Variants in GABRB1 observed in about 807,000 individuals in gnomAD.
GABRB1 encodes gamma-aminobutyric acid receptor subunit beta-1.
A neutral mutation model predicts 51.6 loss-of-function variants in GABRB1; 17 were observed. That is an observed-to-expected ratio of 0.33 (90% CI 0.23 to 0.49). The LOEUF is 0.49. Ranked by LOEUF, GABRB1 falls within the 20% of genes least tolerant of loss-of-function variation. The pLI is 0.99. For synonymous variants in GABRB1, 247 were observed against 218.9 expected (o/e 1.13, Z -1.14); for missense variants, 410 against 600.6 (o/e 0.68, Z 3.32).
intron 4 of GABRB1, among the ~76,000 whole-genome samples, chr4:47,247,918 C>G (rs1469926868): frequency 1.3e-5 from 2 of 152,082 alleles, no homozygotes; most frequent in African/African-American, 4.8e-5. Flanking sequence ...CTGGAGGAGT[C>G]TTTAGGGTTT....
intron 3 of GABRB1, among the ~76,000 whole-genome samples, chr4:47,051,797 A>G (rs1365982047): frequency 1.3e-5 from 2 of 152,180 alleles, no homozygotes; most frequent in Non-Finnish European, 2.9e-5. Context: ...AATTTATTTC[A>G]GTCTCAAAGA....
intron 4 of GABRB1, among the ~76,000 whole-genome samples, chr4:47,228,303 T>G (rs567110657): frequency 6.6e-6 from 1 of 152,076 alleles, no homozygotes; most frequent in African/African-American, 2.4e-5. Context: ...ATTATGACAT[T>G]CTAAAATAAC....
intron 4 of GABRB1, among the ~76,000 whole-genome samples, chr4:47,297,613 T>A (rs1350296094): frequency 6.6e-6 from 1 of 152,146 alleles, no homozygotes; most frequent in Non-Finnish European, 1.5e-5. Context: ...GTGGTAATAA[T>A]CAATAGCTTA....
intron 4 of GABRB1, among the ~76,000 whole-genome samples, chr4:47,317,673 AT>A (rs1343508944): frequency 1.3e-5 from 2 of 151,982 alleles, no homozygotes; most frequent in Non-Finnish European, 2.9e-5. Context: ...TTCAAAAGGT[AT>A]GTGAAAATGT....
At chr4:47,270,699 T>C (rs1026945856) in intron 4 of GABRB1, among the ~76,000 whole-genome samples, 1 of 152,220 alleles carries the variant, frequency 6.6e-6, no homozygotes, top group Admixed American at 6.5e-5. Flanking sequence ...AGTGGGAGCT[T>C]GGAACATTCG....
intron 8 of GABRB1, among the ~76,000 whole-genome samples, chr4:47,421,311 G>T (rs971486317): frequency 7.2e-5 from 11 of 152,054 alleles, no homozygotes; most frequent in African/African-American, 2.7e-4. Flanking sequence ...AATGTACCTT[G>T]TTAACCCTGA....
chr4:47,080,273 T>C (rs1266011856), intron 3 of GABRB1, among the ~76,000 whole-genome samples: 1 of 149,896 alleles, frequency 6.7e-6, no homozygotes, highest in African/African-American at 2.5e-5. Flanking sequence ...CTCCATCCTT[T>C]CTGTGGCAGA....
intron 4 of GABRB1, among the ~76,000 whole-genome samples, chr4:47,178,167 T>C (rs1276494458): frequency 6.6e-6 from 1 of 152,074 alleles, no homozygotes; most frequent in Admixed American, 6.6e-5. Context: ...GGCATACTCA[T>C]TGAGATCATT....
At chr4:47,001,070 G>A (rs574822166) in intron 1 of GABRB1, among the ~76,000 whole-genome samples, 1 of 152,296 alleles carries the variant, frequency 6.6e-6, no homozygotes, top group Admixed American at 6.5e-5. Flanking sequence ...GGTTAACTTT[G>A]TGTTAATTTG....
At chr4:47,376,158 T>G (rs1560358152) in intron 5 of GABRB1, among the ~76,000 whole-genome samples, 1 of 152,196 alleles carries the variant, frequency 6.6e-6, no homozygotes, top group South Asian at 2.1e-4. Context: ...ATTGGAGTTT[T>G]GGGTTTGATT....
At chr4:47,263,861 G>A (rs1047623973) in intron 4 of GABRB1, among the ~76,000 whole-genome samples, 1 of 151,960 alleles carries the variant, frequency 6.6e-6, no homozygotes, top group African/African-American at 2.4e-5. Flanking sequence ...GAAACAAAAT[G>A]TTCTATTAAA....
At chr4:47,406,010 C>G (rs779351913) in intron 7 of GABRB1, among the ~76,000 whole-genome samples, 6 of 152,154 alleles carry the variant, frequency 3.9e-5, no homozygotes, top group Non-Finnish European at 5.9e-5. Flanking sequence ...CTAATTCATT[C>G]TAGGTTCTGG....
At chr4:47,178,514 A>C (rs1718798779) in intron 4 of GABRB1, among the ~76,000 whole-genome samples, 1 of 152,126 alleles carries the variant, frequency 6.6e-6, no homozygotes, top group Non-Finnish European at 1.5e-5. Flanking sequence ...CTAAAGAAGA[A>C]TAAAGCCATT....
chr4:47,092,651 T>C (rs996334038), intron 3 of GABRB1, among the ~76,000 whole-genome samples: 7 of 151,676 alleles, frequency 4.6e-5, no homozygotes, highest in Non-Finnish European at 8.8e-5. Context: ...GTCGCCCAGG[T>C]TGGAGTGCAG....
At chr4:47,140,379 G>T (rs1254685340) in intron 3 of GABRB1, among the ~76,000 whole-genome samples, 1 of 151,822 alleles carries the variant, frequency 6.6e-6, no homozygotes, top group African/African-American at 2.4e-5. Flanking sequence ...ACTTTGCATG[G>T]TACAGATATG....
intron 4 of GABRB1, among the ~76,000 whole-genome samples, chr4:47,273,565 A>T (rs894971225): frequency 2.0e-5 from 3 of 152,160 alleles, no homozygotes; most frequent in East Asian, 3.9e-4. Context: ...CTAGTGCCAG[A>T]CTACCTGAGT....
chr4:47,062,577 G>T (rs1429083059), intron 3 of GABRB1, among the ~76,000 whole-genome samples: 2 of 151,676 alleles, frequency 1.3e-5, no homozygotes, highest in African/African-American at 2.4e-5. Flanking sequence ...ATAATATTTT[G>T]CTCTTCTTCT....
intron 8 of GABRB1, among the ~76,000 whole-genome samples, chr4:47,409,524 TTCTGCTCC>T (rs1170465667): frequency 7.2e-5 from 11 of 152,348 alleles, no homozygotes; most frequent in South Asian, 6.2e-4. Context: ...TATGCCACTC[TTCTGCTCC>T]TCTGCTCCTC....
At chr4:47,227,559 A>G (rs1720988614) in intron 4 of GABRB1, among the ~76,000 whole-genome samples, 1 of 152,164 alleles carries the variant, frequency 6.6e-6, no homozygotes, top group African/African-American at 2.4e-5. Flanking sequence ...CTGATCCTAC[A>G]TAGAGCACTA....
Sources: allele counts gnomAD v4.1 joint callset (sites outside exome capture counted in the v4.1 genomes callset), GRCh38; gene constraint gnomAD v4.1.1; transcripts MANE v1.5; gene names NCBI Gene and HGNC (gene_info 2026-07-23, HGNC 2026-07-21).